FAM149A: variants seen among roughly 807,000 people sequenced by gnomAD.
FAM149A encodes the protein protein FAM149A.
A neutral mutation model predicts 78.2 loss-of-function variants in FAM149A; 71 were observed. The ratio of observed to expected loss-of-function variants is 0.91; its 90% CI spans 0.75 to 1.11. The LOEUF (loss-of-function observed/expected upper bound fraction) is 1.11, where lower values mean the gene tolerates loss of function less well. Ranked by LOEUF, FAM149A falls within the 50% of genes least tolerant of loss-of-function variation. FAM149A has a pLI of 0.00. For synonymous variants in FAM149A, 446 were observed against 410.5 expected, an observed-to-expected ratio of 1.09 and a Z score of -1.04; for missense variants, 1,036 against 971.0, an observed-to-expected ratio of 1.07 and a Z score of -0.89.
intron 1 of FAM149A, among the ~76,000 whole-genome samples, chr4:186,137,000 C>CTCTCTCTCTCTCTCTCTTTCTCTCTCTT (rs1561396558): frequency 4.4e-5 from 6 of 136,930 alleles, no homozygotes; most frequent in African/African-American, 1.7e-4. Context: ...CTCTCTCTCT[C>CTCTCTCTCTCTCTCTCTTTCTCTCTCTT]TCTCTCTCTC....
chr4:186,138,738 C>T (rs2099324565), intron 1 of FAM149A, among the ~76,000 whole-genome samples: 1 of 152,160 alleles, frequency 6.6e-6, no homozygotes, highest in Non-Finnish European at 1.5e-5. Flanking sequence ...GGGAAGGCCA[C>T]AGAAGGGAAG....
At chr4:186,137,702 G>A (rs1481815277) in intron 1 of FAM149A, among the ~76,000 whole-genome samples, 1 of 151,816 alleles carries the variant, frequency 6.6e-6, no homozygotes, top group Non-Finnish European at 1.5e-5. Context: ...CCAATCTAGA[G>A]CTATATCTTG....
chr4:186,142,909 GGTTT>G (rs1308059997), intron 1 of FAM149A, among the ~76,000 whole-genome samples: 1 of 152,020 alleles, frequency 6.6e-6, no homozygotes, highest in African/African-American at 2.4e-5. Flanking sequence ...CATTTGGGGT[GGTTT>G]GTTATGGGGT....
intron 1 of FAM149A, chr4:186,146,889 C>G: frequency 8.1e-6 from 8 of 985,456 alleles, no homozygotes; most frequent in Non-Finnish European, 9.6e-6. Context: ...CTAATTTCGT[C>G]TTCGCCGTTT....
At chr4:186,133,092 CACTGGTGGGTA>C in intron 1 of FAM149A, 1 of 985,420 alleles carries the variant, frequency 1.0e-6, no homozygotes, top group Non-Finnish European at 1.2e-6. Flanking sequence ...CCTAGGCATT[CACTGGTGGGTA>C]AAGGTTAGAC....
chr4:186,141,873 T>G (rs6815695), intron 1 of FAM149A, among the ~76,000 whole-genome samples: 61,470 of 151,958 alleles, frequency 0.4, 12,694 homozygotes, highest in East Asian at 0.52. Flanking sequence ...CCATCTCAGG[T>G]CAGTGTGGTT....
rs886406473 is a variant in FAM149A, at chr4:186,125,885, A to G, written c.566+20243A>G. The G allele has an allele frequency of 4.1e-6, 4 of 985,212 alleles. No individual in the cohort carries two copies. In the African/African-American group the frequency reaches 7.0e-5, roughly 17 times the overall value. The allele number at this position is 985,212 out of a possible 1,614,324, so 61.0% of individuals were successfully genotyped here. A position where few individuals can be genotyped will look rare whatever the true frequency, so the allele number is the denominator to read the frequency against. ...AACGTAGAGGAGTGGAATCACACGA[A>G]CGAGTGTGGCACCCTCTCTGTGTCC... is the stretch of plus-strand genomic sequence containing the variant. On this transcript the variant is annotated intron_variant, in intron 1 of 13. Coordinates refer to ENST00000389354, the MANE Select transcript of FAM149A (RefSeq NM_001367768.3).
intron 1 of FAM149A, among the ~76,000 whole-genome samples, chr4:186,136,994 C>CTCTCTCTCTCTCTCTCTTTCTCTCTT (rs2099323507): frequency 1.5e-5 from 2 of 136,560 alleles, no homozygotes; most frequent in African/African-American, 5.3e-5. Context: ...CTCTCTCTCT[C>CTCTCTCTCTCTCTCTCTTTCTCTCTT]TCTCTCTCTC....
At position 186,154,655 on chromosome 4, in the gene FAM149A, T is replaced by C. The variant is rs1733886228; in HGVS notation, c.1229+17T>C. 20 of 1,605,442 alleles carry C rather than the reference T, an allele frequency of 1.2e-5. No individual in the cohort carries two copies. Among genetic ancestry groups the C allele is most frequent in the Non-Finnish European group, 1.5e-5 (18 of 1,173,192 alleles). ...AAAAGAGGAGTAAATAGAATCTTAT[T>C]TGACATTGACCTCATAAAATAATAT... On this transcript the variant is annotated intron_variant, in intron 6 of 13. Coordinates refer to ENST00000389354, the MANE Select transcript of FAM149A (RefSeq NM_001367768.3).
chr4:186,158,726 C>A, intron 8 of FAM149A: 1 of 1,099,512 alleles, frequency 9.1e-7, no homozygotes, highest in East Asian at 8.1e-5. Context: ...GCAGGTACCC[C>A]CTGTGCCTAT....
At chr4:186,125,468 A>G in intron 1 of FAM149A, 1 of 465,610 alleles carries the variant, frequency 2.1e-6, no homozygotes. Context: ...CACGCTGGGA[A>G]GCCTGAGGAA....
chr4:186,142,290 G>A (rs1489782073), intron 1 of FAM149A, among the ~76,000 whole-genome samples: 1 of 152,166 alleles, frequency 6.6e-6, no homozygotes, highest in South Asian at 2.1e-4. Flanking sequence ...GGAGAAGGCT[G>A]TTGCCTTGTC....
At chr4:186,165,259 T>A in intron 10 of FAM149A, 85 bp from the exon 11 acceptor site, 1 of 1,494,220 alleles carries the variant, frequency 6.7e-7, no homozygotes, top group Non-Finnish European at 9.3e-7. Context: ...GCAGAAACAT[T>A]GAAATCACAG....
At chr4:186,159,207 T>TG (rs1175789387) in intron 8 of FAM149A, among the ~76,000 whole-genome samples, 2 of 151,792 alleles carry the variant, frequency 1.3e-5, no homozygotes, top group African/African-American at 2.4e-5. Context: ...ACAAAAGCCG[T>TG]GACACAGGGT....
At chr4:186,153,888 T>C in intron 5 of FAM149A, 118 bp downstream of exon 5, 1 of 1,123,090 alleles carries the variant, frequency 8.9e-7, no homozygotes, top group Non-Finnish European at 1.3e-6. Flanking sequence ...TAGATTCTGA[T>C]GAAGGGCAGG....
intron 1 of FAM149A, among the ~76,000 whole-genome samples, chr4:186,106,371 A>G (rs762426167): frequency 7.9e-5 from 12 of 152,144 alleles, no homozygotes; most frequent in Non-Finnish European, 1.5e-4. Context: ...GCTCTTTTAA[A>G]ATGTGTTTTA....
intron 3 of FAM149A, among the ~76,000 whole-genome samples, chr4:186,150,566 C>G (rs1486066386): frequency 1.3e-5 from 1 of 74,724 alleles, no homozygotes; most frequent in Non-Finnish European, 2.8e-5. Flanking sequence ...ACCACAGGCG[C>G]CCACCACCAC....
intron 1 of FAM149A, among the ~76,000 whole-genome samples, chr4:186,141,116 T>C (rs887440718): frequency 7.9e-5 from 12 of 152,242 alleles, no homozygotes; most frequent in South Asian, 2.1e-4. Context: ...CTTTGTTTTA[T>C]GTGATTGTTG....
chr4:186,116,496 C>T (rs985937356), intron 1 of FAM149A: 2 of 985,126 alleles, frequency 2.0e-6, no homozygotes, highest in African/African-American at 3.5e-5. Flanking sequence ...CTTGGTTTTC[C>T]ATATCGAGTA....
Sources: gnomAD v4.1 joint callset for allele counts (sites outside exome capture counted in the v4.1 genomes callset) on GRCh38, gnomAD v4.1.1 for gene constraint, MANE v1.5 for transcripts, NCBI Gene and HGNC (gene_info 2026-07-23, HGNC 2026-07-21) for gene names.